The following CAB39L variants were observed in gnomAD, a reference collection of about 807,000 sequenced individuals.
CAB39L encodes calcium-binding protein 39-like.
A neutral mutation model predicts 39.1 loss-of-function variants in CAB39L; 23 were observed. The observed-to-expected ratio is 0.59, with a 90% CI of 0.42 to 0.83. The LOEUF (loss-of-function observed/expected upper bound fraction) is 0.83, where lower values mean the gene tolerates loss of function less well. Among genes scored for constraint, CAB39L ranks in the 40% least tolerant of loss-of-function variants. The pLI, the probability that CAB39L is intolerant of heterozygous loss-of-function variation, is 0.00. For synonymous variants in CAB39L, 126 were observed against 137.2 expected, an observed-to-expected ratio of 0.92 and a Z score of 0.57; for missense variants, 366 against 391.9, an observed-to-expected ratio of 0.93 and a Z score of 0.56.
intron 3 of CAB39L, among the ~76,000 whole-genome samples, chr13:49,418,750 G>A (rs1566131050): frequency 6.6e-6 from 1 of 151,808 alleles, no homozygotes; most frequent in African/African-American, 2.4e-5. Context: ...AGTACAGCCC[G>A]GGGTTTCACC....
chr13:49,368,444 C>T (rs994817215), intron 5 of CAB39L, among the ~76,000 whole-genome samples: 2 of 152,126 alleles, frequency 1.3e-5, no homozygotes, highest in African/African-American at 4.8e-5. Context: ...ATTTGTCATG[C>T]CAAATCTAAC....
intron 3 of CAB39L, among the ~76,000 whole-genome samples, chr13:49,406,878 A>T (rs1016445798): frequency 2.0e-5 from 3 of 152,216 alleles, no homozygotes; most frequent in African/African-American, 7.2e-5. Context: ...ATTACTAAAA[A>T]TAAAATCACT....
chr13:49,437,981 C>A (rs191043371), intron 1 of CAB39L, among the ~76,000 whole-genome samples: 1 of 151,422 alleles, frequency 6.6e-6, no homozygotes, highest in African/African-American at 2.4e-5. Context: ...TGTGCCACTA[C>A]GCCCAGTTAA....
At chr13:49,436,457 T>C (rs1018109218) in intron 1 of CAB39L, among the ~76,000 whole-genome samples, 4 of 152,014 alleles carry the variant, frequency 2.6e-5, no homozygotes, top group African/African-American at 9.7e-5. Context: ...ATTTTCATTA[T>C]CTTGGTTGTT....
intron 5 of CAB39L, among the ~76,000 whole-genome samples, chr13:49,373,468 C>T (rs746182654): frequency 6.6e-6 from 1 of 152,206 alleles, no homozygotes; most frequent in Non-Finnish European, 1.5e-5. Context: ...GTTATCAAAA[C>T]ATACCAGAAA....
intron 5 of CAB39L, among the ~76,000 whole-genome samples, chr13:49,375,181 AT>A (rs1956021293): frequency 6.6e-6 from 1 of 152,112 alleles, no homozygotes. Flanking sequence ...ATATGTATAT[AT>A]TTTTATTTAG....
At chr13:49,430,041 GT>G in intron 3 of CAB39L, among the ~76,000 whole-genome samples, 1 of 152,170 alleles carries the variant, frequency 6.6e-6, no homozygotes, top group Non-Finnish European at 1.5e-5. Flanking sequence ...GCTCTTCAGT[GT>G]TTTGTTTTGT....
intron 8 of CAB39L, among the ~76,000 whole-genome samples, chr13:49,342,540 A>G (rs568598158): frequency 1.6e-4 from 24 of 152,346 alleles, no homozygotes; most frequent in South Asian, 1.5e-3. Flanking sequence ...TTAAGACAGC[A>G]GATTACATTC....
intron 5 of CAB39L, among the ~76,000 whole-genome samples, chr13:49,368,342 G>A (rs1955826457): frequency 6.6e-6 from 1 of 152,186 alleles, no homozygotes; most frequent in South Asian, 2.1e-4. Context: ...ACAGAGGAAA[G>A]GATTAGAATA....
intron 3 of CAB39L, among the ~76,000 whole-genome samples, chr13:49,392,377 G>A (rs1476042807): frequency 2.0e-5 from 3 of 151,794 alleles, no homozygotes; most frequent in Non-Finnish European, 4.4e-5. Context: ...GGTGGTTCAC[G>A]CCTGTAATCC....
chr13:49,370,412 C>T (rs754466117), intron 5 of CAB39L, among the ~76,000 whole-genome samples: 2 of 152,106 alleles, frequency 1.3e-5, no homozygotes, highest in Admixed American at 6.5e-5. Flanking sequence ...GTGAAAAATA[C>T]GACCACTGAT....
In CAB39L at chr13:49,435,587, G is replaced by A. The variant is rs373109885; in HGVS notation, c.-245-1364C>T. 9.2e-5 allele frequency among the ~76,000 whole-genome samples: 14 copies of A among 152,190 alleles called. No individual in the cohort carries two copies. In the East Asian group the frequency reaches 2.1e-3, roughly 23 times the overall value. ...ATGATCTGGGCTCACTGCAGCCTCC[G>A]CCTCCCAGGTTCAAGCAATTCTCCT... On this transcript the variant is annotated intron_variant, in intron 1 of 10. Transcript: ENST00000409308.
At chr13:49,372,427 A>G (rs1955946061) in intron 5 of CAB39L, among the ~76,000 whole-genome samples, 1 of 152,168 alleles carries the variant, frequency 6.6e-6, no homozygotes, top group Non-Finnish European at 1.5e-5. Context: ...ACTTTCCTCT[A>G]GATTCCTGAC....
At position 49,383,001 on chromosome 13, in the gene CAB39L, A is replaced by G; in HGVS notation, c.-31-60T>C. The stretch of plus-strand genomic sequence containing the variant: ...TAACTCTTAATATGCTTAAATTTTT[A>G]TACCAATGTCTTATAAGTTTTCAAT... On this transcript the variant is annotated intron_variant, in intron 3 of 10. Coordinates refer to ENST00000409308, the MANE Select transcript of CAB39L (RefSeq NM_001079670.3). 4 of 656,712 alleles carry G rather than the reference A, an allele frequency of 6.1e-6. No homozygotes were observed. The South Asian group carries it at 7.7e-5, about 13-fold the overall frequency. 40.7% of individuals were successfully genotyped at this position (656,712 alleles called of 1,614,324 possible). A position where few individuals can be genotyped will look rare whatever the true frequency, so the allele number is the denominator to read the frequency against.
intron 7 of CAB39L, among the ~76,000 whole-genome samples, chr13:49,348,133 C>G (rs561445478): frequency 6.6e-6 from 1 of 152,092 alleles, no homozygotes; most frequent in Non-Finnish European, 1.5e-5. Context: ...CCTTCAAACC[C>G]GGACGCTAGA....
At chr13:49,442,786 T>C (rs1957551635) in intron 1 of CAB39L, among the ~76,000 whole-genome samples, 1 of 12,290 alleles carries the variant, frequency 8.1e-5, no homozygotes, top group African/African-American at 3.0e-4. Flanking sequence ...AGACTCCATC[T>C]CAAAAAAAAA....
intron 4 of CAB39L, among the ~76,000 whole-genome samples, chr13:49,377,873 T>G (rs1311820456): frequency 1.3e-5 from 1 of 76,742 alleles, no homozygotes; most frequent in Admixed American, 1.1e-4. Context: ...GTGAGGAGCG[T>G]CTCCGCCCGG....
chr13:49,339,126 T>C (rs1954929990), intron 9 of CAB39L, among the ~76,000 whole-genome samples: 1 of 70,004 alleles, frequency 1.4e-5, no homozygotes, highest in South Asian at 3.6e-4. Flanking sequence ...TTTACATGTC[T>C]TTTTTTTTTT....
intron 10 of CAB39L, among the ~76,000 whole-genome samples, chr13:49,324,212 G>A (rs1376051344): frequency 6.6e-6 from 1 of 152,032 alleles, no homozygotes; most frequent in Non-Finnish European, 1.5e-5. Flanking sequence ...AGCTACTTGG[G>A]AGGCTGAGGC....
Sources: gnomAD v4.1 joint callset for allele counts (sites outside exome capture counted in the v4.1 genomes callset) on GRCh38, gnomAD v4.1.1 for gene constraint, MANE v1.5 for transcripts, NCBI Gene and HGNC (gene_info 2026-07-23, HGNC 2026-07-21) for gene names.